The following NDUFS8 variants were observed in gnomAD, a reference collection of about 807,000 sequenced individuals.
The protein encoded by NDUFS8 is NADH:ubiquinone oxidoreductase core subunit S8, also known as NADH dehydrogenase [ubiquinone] iron-sulfur protein 8, mitochondrial.
NDUFS8 carries 13 observed loss-of-function variants against 25.6 expected under a neutral mutation model. The observed-to-expected ratio is 0.51, with a 90% confidence interval of 0.33 to 0.81. The LOEUF (loss-of-function observed/expected upper bound fraction) is 0.81, where lower values mean the gene tolerates loss of function less well. Ranked by LOEUF, NDUFS8 falls within the 30% of genes least tolerant of loss-of-function variation. The probability of loss-of-function intolerance (pLI) is 0.02; values close to 1 mark genes in which losing one functional copy is unlikely to be tolerated. For synonymous variants in NDUFS8, 119 were observed against 119.4 expected (o/e 1.00, Z 0.02); for missense variants, 257 against 300.9 (o/e 0.85, Z 1.08).
rs758342428 is a variant in NDUFS8 at position 68,036,556 on chromosome 11, TCGC to T, written c.601_603del (p.Ala201del). The T allele has an allele frequency of 1.9e-6, 3 of 1,613,896 alleles. No individual in the cohort carries two copies. Among genetic ancestry groups the T allele is most frequent in the South Asian group, 2.2e-5 (2 of 91,074 alleles). On this transcript the variant is annotated inframe_deletion, in exon 7 of 7. Coordinates refer to ENST00000313468, the MANE Select transcript of NDUFS8 (RefSeq NM_002496.4). ...AACGGGGACAAGTGGGAGGCCGAGA[TCGC>T]CGCCAACATCCAGGCTGACTACTTG...
At chr11:68,035,765 A>G (rs981132474) in intron 5 of NDUFS8, 2 of 452,476 alleles carry the variant, frequency 4.4e-6, no homozygotes, top group Non-Finnish European at 8.8e-6. Flanking sequence ...CACGCTTGTA[A>G]TCCCAGCACT....
chr11:68,033,521 T>G (rs1590789922), intron 5 of NDUFS8: 26 of 594,492 alleles, frequency 4.4e-5, no homozygotes, highest in East Asian at 9.1e-5. Flanking sequence ...CACACAGAGG[T>G]TCCCCCTTGG....
chr11:68,030,711 G>C lies in NDUFS8; in HGVS notation c.-23G>C, dbSNP rs908451335. 1 of 333,166 alleles carries C rather than the reference G, an allele frequency of 3.0e-6. No homozygotes were observed. The highest frequency in any genetic ancestry group is 6.0e-6 in the Non-Finnish European group (1 of 167,602). The allele number at this position is 333,166 out of a possible 1,614,324, so 20.6% of individuals were successfully genotyped here. A position where few individuals can be genotyped will look rare whatever the true frequency, so the allele number is the denominator to read the frequency against. The stretch of plus-strand genomic sequence containing the variant: ...CCGATTGACTGGCCTGCTTGGCAAG[G>C]CAAGTAGCGGCGGCGCTTCAAGGTG... On this transcript the variant is annotated 5_prime_UTR_variant, in exon 1 of 7. Transcript: ENST00000313468.
intron 3 of NDUFS8, 60 bp downstream of exon 3, chr11:68,032,396 G>C (rs1854783955): frequency 6.2e-7 from 1 of 1,611,632 alleles, no homozygotes; most frequent in Non-Finnish European, 8.5e-7. Flanking sequence ...TGGAGTAGGG[G>C]AAGAGACCTG....
intron 5 of NDUFS8, chr11:68,033,630 G>T: frequency 2.6e-6 from 1 of 381,842 alleles, no homozygotes. Flanking sequence ...CCGGAGTCCT[G>T]CTTGTGTGCC....
rs1390582150 is a variant in NDUFS8, at chr11:68,032,331, C to T, written c.104C>T (p.Thr35Ile). 3 of 1,613,254 alleles carry T rather than the reference C, an allele frequency of 1.9e-6. No individual in the cohort carries two copies. In the African/African-American group the frequency reaches 4.0e-5, roughly 22 times the overall value. ...RSLHSSAVAATYKYVNMQDPE... is the reference protein window; with the variant it reads ...RSLHSSAVAAIYKYVNMQDPE... ...CTCCACAGCAGTGCAGTGGCAGCCA[C>T]CTACAGTGAGTACCTGGGTGGCCTC... Residue 35 changes from threonine (T) to isoleucine (I), a missense_variant, in exon 3 of 7, where the codon ACC becomes ATC. Thr to Ile is a moderately conservative substitution (Grantham distance 89, BLOSUM62 -1). Coordinates refer to ENST00000313468, the MANE Select transcript of NDUFS8 (RefSeq NM_002496.4).
intron 5 of NDUFS8, chr11:68,036,035 A>AC: frequency 2.3e-6 from 1 of 429,272 alleles, no homozygotes; most frequent in Non-Finnish European, 4.0e-6. Context: ...AAAAAAAAAA[A>AC]AAAAAAACCA....
At chr11:68,032,057 C>T (rs1253004580) in intron 1 of NDUFS8, 95 bp from the exon 2 acceptor site, 2 of 1,576,036 alleles carry the variant, frequency 1.3e-6, no homozygotes, top group Non-Finnish European at 1.7e-6. Context: ...CAAAGTGACA[C>T]ATGTCAGTGG....
chr11:68,033,376 G>A, intron 5 of NDUFS8, 93 bp downstream of exon 5: 1 of 1,436,386 alleles, frequency 7.0e-7, no homozygotes, highest in Non-Finnish European at 9.5e-7. Context: ...GCCCCTGCTT[G>A]ATGTGCGTCC....
chr11:68,035,077 A>G (rs1854859560), intron 5 of NDUFS8: 1 of 152,234 alleles, frequency 6.6e-6, no homozygotes, highest in South Asian at 2.1e-4. Context: ...TCAAAAAAAA[A>G]AAAAGGATTT....
At chr11:68,031,866 C>A (rs1478574671) in intron 1 of NDUFS8, among the ~76,000 whole-genome samples, 1 of 152,140 alleles carries the variant, frequency 6.6e-6, no homozygotes, top group African/African-American at 2.4e-5. Context: ...AGGTGGGAAA[C>A]AGGATCTCTG....
chr11:68,036,216 AG>A (rs766544647), intron 5 of NDUFS8, 36 bp from the exon 6 acceptor site: 8 of 1,611,228 alleles, frequency 5.0e-6, no homozygotes, highest in Admixed American at 3.3e-5. Flanking sequence ...GGGATGTGAC[AG>A]GGCAGCGTGG....
chr11:68,030,752 G>A lies in NDUFS8; in HGVS notation c.-1+19G>A. On this transcript the variant is annotated intron_variant, in intron 1 of 6. Coordinates refer to ENST00000313468, the MANE Select transcript of NDUFS8 (RefSeq NM_002496.4). Reference sequence around the variant, plus strand: ...CTTCAAGGTGGGTGTTCACGTTTTGGCCGTGAAAGTCGGGCTTGGGCAGCG... The same window carrying A: ...CTTCAAGGTGGGTGTTCACGTTTTGACCGTGAAAGTCGGGCTTGGGCAGCG... 1 of 341,610 alleles carries A rather than the reference G, an allele frequency of 2.9e-6. No individual in the cohort carries two copies. Among genetic ancestry groups the A allele is most frequent in the Non-Finnish European group, 5.8e-6 (1 of 171,592 alleles). 21.2% of individuals were successfully genotyped at this position (341,610 alleles called of 1,614,324 possible). A position where few individuals can be genotyped will look rare whatever the true frequency, so the allele number is the denominator to read the frequency against.
intron 5 of NDUFS8, chr11:68,034,447 G>A (rs1854839744): frequency 6.6e-6 from 1 of 152,240 alleles, no homozygotes; most frequent in Non-Finnish European, 1.5e-5. Context: ...TCTTGGCGAT[G>A]TTGCAGGTTC....
At position 68,032,325 on chromosome 11, in the gene NDUFS8, C is replaced by T. The variant is rs1317239431; in HGVS notation, c.98C>T (p.Ala33Val). 1.2e-6 allele frequency: 2 copies of T among 1,613,294 alleles called. No individual in the cohort carries two copies. Among genetic ancestry groups the T allele is most frequent in the Non-Finnish European group, 1.7e-6 (2 of 1,180,016 alleles). ...GGRSLHSSAV[A>V]ATYKYVNMQD... ...CGGAGCCTCCACAGCAGTGCAGTGG[C>T]AGCCACCTACAGTGAGTACCTGGGT... The change falls in exon 3 of 7, where the codon GCA becomes GTA. Residue 33 changes from alanine to valine, a missense_variant. Physicochemically the swap from Ala to Val is moderately conservative, Grantham distance 64. Transcript: ENST00000313468.
chr11:68,032,561 G>A (rs1193210475), intron 3 of NDUFS8: 7 of 1,454,160 alleles, frequency 4.8e-6, no homozygotes, highest in Non-Finnish European at 6.4e-6. Context: ...TGGGTGTGAT[G>A]GGGAGGGGGT....
At position 68,035,684 on chromosome 11, in the gene NDUFS8, C is replaced by T. The variant is rs560251712; in HGVS notation, c.373-569C>T. The T allele has an allele frequency of 5.7e-5, 26 of 455,522 alleles. 1 individual carries two copies. Among genetic ancestry groups the T allele is most frequent in the African/African-American group, 3.6e-4 (18 of 50,138 alleles). The allele number at this position is 455,522 out of a possible 1,614,324, so 28.2% of individuals were successfully genotyped here. On this transcript the variant is annotated intron_variant, in intron 5 of 6. Coordinates refer to ENST00000313468, the MANE Select transcript of NDUFS8 (RefSeq NM_002496.4). ...TGAACAAAGCGGTGAACAGCCCCCT[C>T]GTGAGAGGGGGTTCTTGGCAGATGA...
chr11:68,032,780 T>G lies in NDUFS8; in HGVS notation c.110-143T>G, dbSNP rs1854796742. On this transcript the variant is annotated intron_variant, in intron 3 of 6. Transcript: ENST00000313468. ...CGGCCTCCAGGGTCCTTGCTGAGGC[T>G]GGGGAGAGGTGTGGTGAGTGTACAG... 5.5e-6 allele frequency: 5 copies of G among 904,500 alleles called. No individual in the cohort carries two copies. The Admixed American group carries it at 1.0e-4, about 18-fold the overall frequency. 56.0% of individuals were successfully genotyped at this position (904,500 alleles called of 1,614,324 possible).
chr11:68,033,276 C>T lies in NDUFS8; in HGVS notation c.365C>T (p.Pro122Leu), dbSNP rs1384072938. 1 of 1,604,528 alleles carries T rather than the reference C, an allele frequency of 6.2e-7. No homozygotes were observed. Among genetic ancestry groups the T allele is most frequent in the South Asian group, 1.1e-5 (1 of 90,172 alleles). ...IACKLCEAIC[P>L]AQAITIEAEP... ...TGCAAGCTCTGCGAGGCCATCTGCC[C>T]CGCCCAGGTGAGCCCCTGCCCCAAC... Residue 122 changes from proline to leucine, a missense_variant, in exon 5 of 7, where the codon CCC (proline) becomes CTC (leucine). Pro to Leu is a moderately conservative substitution (Grantham distance 98). Coordinates refer to ENST00000313468, the MANE Select transcript of NDUFS8 (RefSeq NM_002496.4).
Sources: allele counts gnomAD v4.1 joint callset (sites outside exome capture counted in the v4.1 genomes callset), GRCh38; gene constraint gnomAD v4.1.1; transcripts MANE v1.5; gene names NCBI Gene and HGNC (gene_info 2026-07-23, HGNC 2026-07-21).